The following ALOX5 variants were observed in gnomAD, a reference collection of about 807,000 sequenced individuals.
ALOX5 encodes the protein arachidonate 5-lipoxygenase.
ALOX5 carries 64 observed loss-of-function variants against 87.9 expected under a neutral mutation model. The ratio of observed to expected loss-of-function variants is 0.73; its 90% CI spans 0.60 to 0.90. ALOX5 has a LOEUF of 0.90. Among genes scored for constraint, ALOX5 ranks in the 40% least tolerant of loss-of-function variants. ALOX5 has a pLI of 0.00. For missense variants in ALOX5, 822 were observed against 907.5 expected (o/e 0.91, Z 1.21); for synonymous variants, 388 against 355.1 (o/e 1.09, Z -1.04).
intron 13 of ALOX5, among the ~76,000 whole-genome samples, chr10:45,445,111 T>C (rs1363070544): frequency 6.6e-6 from 1 of 152,258 alleles, no homozygotes; most frequent in African/African-American, 2.4e-5. Flanking sequence ...TCTGCCTTCC[T>C]GGGCTGGAGA....
At chr10:45,422,302 G>A (rs1841531462) in intron 4 of ALOX5, among the ~76,000 whole-genome samples, 1 of 152,158 alleles carries the variant, frequency 6.6e-6, no homozygotes, top group Non-Finnish European at 1.5e-5. Context: ...TCATTCTGCT[G>A]GATCAGGAGG....
At position 45,424,791 on chromosome 10, in the gene ALOX5, G is replaced by C. The variant is rs77666700; in HGVS notation, c.662-169G>C. Reference sequence around the variant, plus strand: ...TCAGGTATGATGAGTTGGTGCCACAGCCTGACCCAGTGATGGGCAGGGGGC... The same window carrying C: ...TCAGGTATGATGAGTTGGTGCCACACCCTGACCCAGTGATGGGCAGGGGGC... On this transcript the variant is annotated intron_variant, in intron 5 of 13. Coordinates refer to ENST00000374391, the MANE Select transcript of ALOX5 (RefSeq NM_000698.5). 3.5e-3 allele frequency among the ~76,000 whole-genome samples: 539 copies of C among 152,316 alleles called. 3 individuals are homozygous for C. The highest frequency in any genetic ancestry group is 0.012 in the African/African-American group (517 of 41,572).
At chr10:45,388,949 AG>A (rs1342444006) in intron 2 of ALOX5, among the ~76,000 whole-genome samples, 1 of 152,232 alleles carries the variant, frequency 6.6e-6, no homozygotes, top group African/African-American at 2.4e-5. Context: ...CCTTGAAAAA[AG>A]ATTAGACGAA....
At chr10:45,382,085 G>A (rs1839850187) in intron 1 of ALOX5, among the ~76,000 whole-genome samples, 2 of 152,234 alleles carry the variant, frequency 1.3e-5, no homozygotes, top group African/African-American at 2.4e-5. Context: ...ATCCCCCTTA[G>A]ATACTGCATT....
intron 10 of ALOX5, 78 bp from the exon 11 acceptor site, chr10:45,443,338 T>C (rs1842305801): frequency 1.3e-6 from 2 of 1,588,780 alleles, no homozygotes; most frequent in Non-Finnish European, 1.7e-6. Context: ...AGTCCCAGCG[T>C]CCGTGAGGGG....
intron 3 of ALOX5, among the ~76,000 whole-genome samples, chr10:45,396,194 G>A (rs1454463804): frequency 6.6e-6 from 1 of 152,180 alleles, no homozygotes; most frequent in Non-Finnish European, 1.5e-5. Flanking sequence ...AGAAAAGCTT[G>A]AGTGTACCTT....
chr10:45,444,119 G>A lies in ALOX5; in HGVS notation c.1678G>A (p.Asp560Asn). 1.9e-6 allele frequency: 3 copies of A among 1,542,256 alleles called. No homozygotes were observed. Among genetic ancestry groups the A allele is most frequent in the South Asian group, 1.2e-5 (1 of 83,436 alleles). The change falls in exon 13 of 14, where the codon GAC (aspartate) becomes AAC (asparagine). Residue 560 changes from aspartate (D) to asparagine (N), a missense_variant. Transcript: ENST00000374391. Reference sequence around the variant, plus strand: ...TTGCTGGCGGTCGTCTCCGCAGTACGACTGGTGCTCCTGGATCCCCAATGC... The same window carrying A: ...TTGCTGGCGGTCGTCTCCGCAGTACAACTGGTGCTCCTGGATCCCCAATGC... ...QHAAVNFGQY[D>N]WCSWIPNAPP...
At chr10:45,413,765 G>A (rs941484615) in intron 4 of ALOX5, among the ~76,000 whole-genome samples, 1 of 152,186 alleles carries the variant, frequency 6.6e-6, no homozygotes, top group Non-Finnish European at 1.5e-5. Flanking sequence ...CAAAATCAAT[G>A]TGCAAAAATC....
chr10:45,391,076 G>GCTCTCCCTCTCC (rs1564416507), intron 2 of ALOX5, among the ~76,000 whole-genome samples: 1 of 13,990 alleles, frequency 7.1e-5, no homozygotes. Context: ...CTCTCCCCAC[G>GCTCTCCCTCTCC]GTCTCCCTCT....
intron 3 of ALOX5, 21 bp from the exon 4 acceptor site, chr10:45,412,170 C>A (rs1288432871): frequency 2.5e-6 from 4 of 1,613,994 alleles, no homozygotes; most frequent in Non-Finnish European, 3.4e-6. Context: ...AACTCAATTT[C>A]TTCTCCTTTC....
At position 45,395,867 on chromosome 10, in the gene ALOX5, G is replaced by T; in HGVS notation, c.362G>T (p.Arg121Leu). 1 of 1,614,200 alleles carries T rather than the reference G, an allele frequency of 6.2e-7. No homozygotes were observed. The highest frequency in any genetic ancestry group is 8.5e-7 in the Non-Finnish European group (1 of 1,180,028). ...TCTTTCTTTACAGCAAAGTTGGCCCGAGATGACCAAATTCACATTCTCAAG... is the reference window on the plus strand; with the variant it reads ...TCTTTCTTTACAGCAAAGTTGGCCCTAGATGACCAAATTCACATTCTCAAG... Reference protein sequence around the residue: ...VLRDGRAKLARDDQIHILKQH... With the variant: ...VLRDGRAKLALDDQIHILKQH... The change falls in exon 3 of 14, where the codon CGA becomes CTA. Residue 121 changes from arginine to leucine, a missense_variant. Arg to Leu is a moderately radical substitution (Grantham distance 102). Transcript: ENST00000374391.
chr10:45,404,758 C>T (rs1347451424), intron 3 of ALOX5, among the ~76,000 whole-genome samples: 1 of 152,242 alleles, frequency 6.6e-6, no homozygotes, highest in African/African-American at 2.4e-5. Flanking sequence ...TCTCTCTGTG[C>T]TCTCATGGAA....
At chr10:45,432,838 G>C (rs1341570322) in intron 7 of ALOX5, among the ~76,000 whole-genome samples, 2 of 152,250 alleles carry the variant, frequency 1.3e-5, no homozygotes, top group African/African-American at 4.8e-5. Context: ...TTTAAAACTT[G>C]AGTGATAAAC....
chr10:45,433,185 C>T (rs1188939563), intron 7 of ALOX5, among the ~76,000 whole-genome samples: 2 of 152,252 alleles, frequency 1.3e-5, no homozygotes, highest in African/African-American at 4.8e-5. Context: ...CCATGCTCTG[C>T]TCATGAGTTG....
intron 7 of ALOX5, among the ~76,000 whole-genome samples, chr10:45,429,126 G>T (rs1028019144): frequency 2.0e-5 from 3 of 152,160 alleles, no homozygotes; most frequent in Admixed American, 2.0e-4. Flanking sequence ...TGGGTTCTGG[G>T]GTCAGGAACC....
At chr10:45,414,939 G>GTGCT (rs1564432454) in intron 4 of ALOX5, among the ~76,000 whole-genome samples, 1 of 152,178 alleles carries the variant, frequency 6.6e-6, no homozygotes, top group African/African-American at 2.4e-5. Flanking sequence ...GAAACAACAG[G>GTGCT]TGCTGGAGAG....
chr10:45,392,288 T>C (rs963552937), intron 2 of ALOX5, among the ~76,000 whole-genome samples: 4 of 152,076 alleles, frequency 2.6e-5, no homozygotes, highest in African/African-American at 4.8e-5. Flanking sequence ...GGGGAAAAGA[T>C]TGAGAAATCG....
At chr10:45,430,187 C>A (rs533389518) in intron 7 of ALOX5, among the ~76,000 whole-genome samples, 17 of 152,306 alleles carry the variant, frequency 1.1e-4, no homozygotes, top group African/African-American at 4.1e-4. Flanking sequence ...CTTGGAGCAG[C>A]CTGGAGTCAG....
rs142978891 is a variant in ALOX5 at position 45,429,816 on chromosome 10, G to A, written c.981+1052G>A. Among the ~76,000 whole-genome samples the A allele has an allele frequency of 3.7e-3, 567 of 152,274 alleles. 3 individuals are homozygous for A. The highest frequency in any genetic ancestry group is 0.013 in the African/African-American group (527 of 41,564). Reference sequence around the variant, plus strand: ...TTCTGAAGCACATTTGACCACTGGGGTTTTAGATAACCTATCTTTATTTGT... The same window carrying A: ...TTCTGAAGCACATTTGACCACTGGGATTTTAGATAACCTATCTTTATTTGT... On this transcript the variant is annotated intron_variant, in intron 7 of 13. Transcript: ENST00000374391.
Sources: gnomAD v4.1 joint callset for allele counts (sites outside exome capture counted in the v4.1 genomes callset) on GRCh38, gnomAD v4.1.1 for gene constraint, MANE v1.5 for transcripts, NCBI Gene and HGNC (gene_info 2026-07-23, HGNC 2026-07-21) for gene names.